Variants in GPM6A observed in about 807,000 individuals in gnomAD.
The protein encoded by GPM6A is neuronal membrane glycoprotein M6-a.
Under a neutral mutation model 32.1 loss-of-function variants are expected in GPM6A, and 7 were observed. The observed-to-expected ratio is 0.22, with a 90% confidence interval of 0.12 to 0.41. GPM6A has a LOEUF of 0.41. Ranked by LOEUF, GPM6A falls within the 10% of genes least tolerant of loss-of-function variation. The pLI is 1.00. For missense variants in GPM6A, 235 were observed against 347.2 expected, an observed-to-expected ratio of 0.68 and a Z score of 2.57; for synonymous variants, 130 against 123.4, an observed-to-expected ratio of 1.05 and a Z score of -0.35.
chr4:175,700,205 T>G (rs1371296236), intron 2 of GPM6A, among the ~76,000 whole-genome samples: 1 of 152,050 alleles, frequency 6.6e-6, no homozygotes, highest in Non-Finnish European at 1.5e-5. Context: ...AATTAGTAAC[T>G]TTAATAAATA....
chr4:175,851,786 G>A (rs1736267485), intron 1 of GPM6A, among the ~76,000 whole-genome samples: 1 of 152,278 alleles, frequency 6.6e-6, no homozygotes, highest in Non-Finnish European at 1.5e-5. Context: ...GTTTTGTTTG[G>A]TTTGCAGTTC....
At chr4:175,841,665 T>TA (rs1295338399) in intron 1 of GPM6A, among the ~76,000 whole-genome samples, 1 of 152,124 alleles carries the variant, frequency 6.6e-6, no homozygotes, top group Non-Finnish European at 1.5e-5. Flanking sequence ...ACATTTTCAA[T>TA]AAAAGGAATA....
At chr4:175,808,330 A>C (rs1338096143) in intron 1 of GPM6A, among the ~76,000 whole-genome samples, 1 of 152,186 alleles carries the variant, frequency 6.6e-6, no homozygotes, top group Non-Finnish European at 1.5e-5. Flanking sequence ...AAATGTATAA[A>C]GTATATGATG....
chr4:175,843,370 T>C (rs899424287), intron 1 of GPM6A, among the ~76,000 whole-genome samples: 2 of 152,346 alleles, frequency 1.3e-5, no homozygotes, highest in Admixed American at 1.3e-4. Context: ...GTAAATCTAC[T>C]GAACAGAGGC....
At chr4:175,973,504 T>C (rs548396794) in intron 1 of GPM6A, among the ~76,000 whole-genome samples, 10 of 152,258 alleles carry the variant, frequency 6.6e-5, no homozygotes, top group African/African-American at 2.4e-4. Context: ...AACTACATAA[T>C]TAACTTCACT....
intron 1 of GPM6A, chr4:175,961,365 T>C (rs181070528): frequency 2.0e-4 from 31 of 152,236 alleles, no homozygotes; most frequent in Admixed American, 1.8e-3. Context: ...GAAAGCTGAA[T>C]AAATTAAAAA....
At chr4:175,964,849 A>G (rs1296157887) in intron 1 of GPM6A, among the ~76,000 whole-genome samples, 3 of 152,230 alleles carry the variant, frequency 2.0e-5, no homozygotes, top group Admixed American at 2.0e-4. Context: ...GCACTACATA[A>G]TGATAAAGGA....
chr4:175,688,029 T>A (rs530364102), intron 2 of GPM6A, among the ~76,000 whole-genome samples: 2 of 152,348 alleles, frequency 1.3e-5, no homozygotes, highest in East Asian at 3.9e-4. Context: ...TATTTTTTAA[T>A]TGGGTATTTT....
intron 1 of GPM6A, among the ~76,000 whole-genome samples, chr4:175,958,422 G>T (rs1237718757): frequency 2.0e-5 from 3 of 152,146 alleles, no homozygotes; most frequent in Non-Finnish European, 4.4e-5. Context: ...TGCAAATTAT[G>T]ATTGTATTTG....
intron 1 of GPM6A, among the ~76,000 whole-genome samples, chr4:175,982,212 A>T (rs1295000448): frequency 6.6e-6 from 1 of 152,036 alleles, no homozygotes; most frequent in East Asian, 1.9e-4. Flanking sequence ...CATTTCCTTA[A>T]TGTGTCACAA....
chr4:175,905,993 A>G (rs1369762114), intron 1 of GPM6A, among the ~76,000 whole-genome samples: 1 of 152,206 alleles, frequency 6.6e-6, no homozygotes, highest in African/African-American at 2.4e-5. Context: ...AGTCAACAGA[A>G]TAACATTGCA....
intron 1 of GPM6A, among the ~76,000 whole-genome samples, chr4:175,849,016 A>G (rs1375998741): frequency 1.3e-5 from 2 of 152,184 alleles, no homozygotes; most frequent in African/African-American, 4.8e-5. Flanking sequence ...CTGAAATTTC[A>G]TTGCTTGATA....
chr4:175,728,422 A>T (rs1004413849), intron 1 of GPM6A, among the ~76,000 whole-genome samples: 2 of 152,172 alleles, frequency 1.3e-5, no homozygotes, highest in Admixed American at 6.5e-5. Flanking sequence ...GCCGGAGTAC[A>T]TGATTTTGTT....
intron 3 of GPM6A, among the ~76,000 whole-genome samples, chr4:175,665,370 C>T (rs1478419639): frequency 3.9e-5 from 6 of 151,936 alleles, no homozygotes; most frequent in Admixed American, 6.6e-5. Context: ...ATCCTCATAA[C>T]TCAGGATGAC....
chr4:175,799,241 T>G (rs1734363412), intron 1 of GPM6A, among the ~76,000 whole-genome samples: 1 of 152,164 alleles, frequency 6.6e-6, no homozygotes, highest in Non-Finnish European at 1.5e-5. Flanking sequence ...TCCTAGAGTA[T>G]CACAGGCATC....
chr4:175,930,437 T>TGGGG (rs1560998945), intron 1 of GPM6A, among the ~76,000 whole-genome samples: 2 of 92,456 alleles, frequency 2.2e-5, no homozygotes, highest in African/African-American at 5.5e-5. Flanking sequence ...GGGGGGGGTT[T>TGGGG]TTTTGTTGTT....
At chr4:175,804,272 T>G (rs1409256009) in intron 1 of GPM6A, among the ~76,000 whole-genome samples, 1 of 152,198 alleles carries the variant, frequency 6.6e-6, no homozygotes. Context: ...GTTCCAAAAA[T>G]TTGAATTTAA....
chr4:175,906,708 T>C, intron 1 of GPM6A: 1 of 152,260 alleles, frequency 6.6e-6, no homozygotes, highest in Non-Finnish European at 1.5e-5. Context: ...TACTGCAAAC[T>C]TGGGGCCACC....
intron 1 of GPM6A, among the ~76,000 whole-genome samples, chr4:175,831,913 T>C (rs1735628539): frequency 6.6e-6 from 1 of 151,838 alleles, no homozygotes; most frequent in African/African-American, 2.4e-5. Flanking sequence ...GAGACGGGAT[T>C]TCACCACGTT....
Sources: allele counts gnomAD v4.1 joint callset (sites outside exome capture counted in the v4.1 genomes callset), GRCh38; gene constraint gnomAD v4.1.1; transcripts MANE v1.5; gene names NCBI Gene and HGNC (gene_info 2026-07-23, HGNC 2026-07-21).